ELOVL5: variants seen among roughly 807,000 people sequenced by gnomAD.
ELOVL5 encodes ELOVL fatty acid elongase 5, also known as very long chain fatty acid elongase 5.
A neutral mutation model predicts 38.6 loss-of-function variants in ELOVL5; 8 were observed. The observed-to-expected ratio is 0.21, with a 90% CI of 0.12 to 0.37. The LOEUF (loss-of-function observed/expected upper bound fraction) is 0.37, where lower values mean the gene tolerates loss of function less well. Ranked by LOEUF, ELOVL5 falls within the 10% of genes least tolerant of loss-of-function variation. The probability of loss-of-function intolerance (pLI) is 1.00; values close to 1 mark genes in which losing one functional copy is unlikely to be tolerated. For missense variants in ELOVL5, 280 were observed against 367.8 expected (o/e 0.76, Z 1.95); for synonymous variants, 127 against 133.7 (o/e 0.95, Z 0.34).
chr6:53,329,538 T>C (rs1172247386), intron 1 of ELOVL5, among the ~76,000 whole-genome samples: 4 of 152,196 alleles, frequency 2.6e-5, no homozygotes, highest in African/African-American at 9.6e-5. Context: ...AAGAATACTA[T>C]GTCGGTCAGG....
At chr6:53,315,656 C>A (rs1768000727) in intron 1 of ELOVL5, among the ~76,000 whole-genome samples, 1 of 152,106 alleles carries the variant, frequency 6.6e-6, no homozygotes, top group African/African-American at 2.4e-5. Context: ...GGTTCCATAT[C>A]AATTGTGAAA....
At chr6:53,315,178 C>T (rs933236888) in intron 1 of ELOVL5, among the ~76,000 whole-genome samples, 2 of 152,200 alleles carry the variant, frequency 1.3e-5, no homozygotes, top group African/African-American at 4.8e-5. Context: ...TTCCTGGCTT[C>T]AGATGGCTGT....
intron 1 of ELOVL5, among the ~76,000 whole-genome samples, chr6:53,334,372 T>C (rs1768951577): frequency 6.6e-6 from 1 of 152,096 alleles, no homozygotes; most frequent in Non-Finnish European, 1.5e-5. Flanking sequence ...CAGGGTAAAA[T>C]ATGCAAGGGA....
chr6:53,270,208 A>C (rs953610323), intron 7 of ELOVL5, among the ~76,000 whole-genome samples: 1 of 152,232 alleles, frequency 6.6e-6, no homozygotes, highest in South Asian at 2.1e-4. Context: ...GCAGATCTCC[A>C]TATCTGAGGA....
Position 53,274,063 on chromosome 6 carries a change from G to A in ELOVL5, c.497-719C>T, listed in dbSNP as rs149742260. ...CTGGCTATGATAGGAACTGGCTTTT[G>A]ACTTTGGACACATCACATCCATTCC... On this transcript the variant is annotated intron_variant, in intron 5 of 7. Transcript: ENST00000304434. 3.8e-3 allele frequency among the ~76,000 whole-genome samples: 582 copies of A among 152,300 alleles called. 2 individuals carry two copies. The highest frequency in any genetic ancestry group is 0.012 in the African/African-American group (514 of 41,550).
rs1765801339 is a variant in ELOVL5, at chr6:53,268,105, G to A, written c.*1022C>T. 1 of 151,652 alleles carries A rather than the reference G, an allele frequency of 6.6e-6. No homozygotes were observed. Among genetic ancestry groups the A allele is most frequent in the South Asian group, 2.1e-4 (1 of 4,802 alleles). 9.4% of individuals were successfully genotyped at this position (151,652 alleles called of 1,614,324 possible). ...CCTTTCCCCCCCTTTGTTAATTTTG[G>A]TAAACTAGGCACATTTTACAAGGAA... On this transcript the variant is annotated 3_prime_UTR_variant, in exon 8 of 8. Coordinates refer to ENST00000304434, the MANE Select transcript of ELOVL5 (RefSeq NM_021814.5).
intron 1 of ELOVL5, among the ~76,000 whole-genome samples, chr6:53,337,669 A>G (rs1769133018): frequency 1.3e-5 from 2 of 152,246 alleles, no homozygotes; most frequent in Non-Finnish European, 2.9e-5. Flanking sequence ...AGATACCTAC[A>G]CTATGTGCCA....
At chr6:53,309,676 AG>A (rs1331698508) in intron 1 of ELOVL5, among the ~76,000 whole-genome samples, 1 of 152,176 alleles carries the variant, frequency 6.6e-6, no homozygotes. Flanking sequence ...AGGTGATAAC[AG>A]ATGTTGTGGC....
intron 1 of ELOVL5, among the ~76,000 whole-genome samples, chr6:53,325,787 TG>T (rs1163319713): frequency 2.0e-5 from 3 of 152,178 alleles, no homozygotes; most frequent in Non-Finnish European, 4.4e-5. Flanking sequence ...TTGTGACACT[TG>T]GTAGGCCGGA....
At chr6:53,281,765 T>G (rs1766370181) in intron 3 of ELOVL5, among the ~76,000 whole-genome samples, 1 of 152,004 alleles carries the variant, frequency 6.6e-6, no homozygotes, top group Admixed American at 6.6e-5. Flanking sequence ...AAATCTTTCA[T>G]GTCCAGAGCA....
At chr6:53,280,697 ATCC>A (rs1471492668) in intron 3 of ELOVL5, among the ~76,000 whole-genome samples, 2 of 152,186 alleles carry the variant, frequency 1.3e-5, no homozygotes, top group Admixed American at 1.3e-4. Flanking sequence ...GGCTCAAGCC[ATCC>A]TCCTACCTCA....
At chr6:53,317,591 CA>C (rs1768106726) in intron 1 of ELOVL5, among the ~76,000 whole-genome samples, 1 of 151,074 alleles carries the variant, frequency 6.6e-6, no homozygotes, top group Admixed American at 6.6e-5. Context: ...GGGAACTGAA[CA>C]ATGAGAACAC....
At chr6:53,304,434 C>G (rs1283268073) in intron 1 of ELOVL5, among the ~76,000 whole-genome samples, 4 of 132,212 alleles carry the variant, frequency 3.0e-5, no homozygotes, top group Non-Finnish European at 6.4e-5. Flanking sequence ...ACACACACAC[C>G]TCTTTTATTT....
chr6:53,320,263 C>G (rs191894), intron 1 of ELOVL5, among the ~76,000 whole-genome samples: 140,030 of 152,132 alleles, frequency 0.92, 64,777 homozygotes, highest in African/African-American at 0.98. Context: ...GTTGCAGTGA[C>G]CCAAGACTGC....
chr6:53,295,153 C>T (rs1766942577), intron 2 of ELOVL5, among the ~76,000 whole-genome samples: 1 of 152,138 alleles, frequency 6.6e-6, no homozygotes, highest in South Asian at 2.1e-4. Context: ...AAGACTTTTA[C>T]AGATGACATC....
chr6:53,289,447 G>A (rs775794175), intron 3 of ELOVL5, among the ~76,000 whole-genome samples: 7 of 152,308 alleles, frequency 4.6e-5, no homozygotes, highest in South Asian at 2.1e-4. Flanking sequence ...GGCCGGGTGC[G>A]GTGGCTCACG....
intron 1 of ELOVL5, among the ~76,000 whole-genome samples, chr6:53,309,742 T>G (rs1227889114): frequency 6.6e-6 from 1 of 152,206 alleles, no homozygotes; most frequent in African/African-American, 2.4e-5. Flanking sequence ...CCACTAGCTC[T>G]GGGGGAAGCC....
At chr6:53,348,574 G>A (rs1020208512) in intron 1 of ELOVL5, among the ~76,000 whole-genome samples, 4 of 152,274 alleles carry the variant, frequency 2.6e-5, no homozygotes, top group African/African-American at 9.6e-5. Context: ...CCTCGGCGTG[G>A]GGCGAGCCGC....
chr6:53,307,472 C>T (rs925519825), intron 1 of ELOVL5, among the ~76,000 whole-genome samples: 22 of 152,142 alleles, frequency 1.4e-4, no homozygotes, highest in African/African-American at 3.4e-4. Flanking sequence ...CAGCAAGTAC[C>T]GTAAAAATGT....
Sources: gnomAD v4.1 joint callset for allele counts (sites outside exome capture counted in the v4.1 genomes callset) on GRCh38, gnomAD v4.1.1 for gene constraint, MANE v1.5 for transcripts, NCBI Gene and HGNC (gene_info 2026-07-23, HGNC 2026-07-21) for gene names.